CNTNAP2: variants seen among roughly 807,000 people sequenced by gnomAD.
CNTNAP2 encodes the protein contactin-associated protein-like 2.
In CNTNAP2, 98 loss-of-function variants were observed where a neutral mutation model predicts 155.2. The ratio of observed to expected loss-of-function variants is 0.63; its 90% CI spans 0.54 to 0.75. The LOEUF (loss-of-function observed/expected upper bound fraction) is 0.75, where lower values mean the gene tolerates loss of function less well. CNTNAP2 is among the 30% of genes least tolerant of loss of function. The probability of loss-of-function intolerance (pLI) is 0.00; values close to 1 mark genes in which losing one functional copy is unlikely to be tolerated. For synonymous variants in CNTNAP2, 651 were observed against 631.2 expected (o/e 1.03, Z -0.47); for missense variants, 1,727 against 1,688.1 (o/e 1.02, Z -0.40).
intron 21 of CNTNAP2, among the ~76,000 whole-genome samples, chr7:148,282,963 G>A (rs548203995): frequency 2.0e-4 from 31 of 151,962 alleles, no homozygotes; most frequent in African/African-American, 6.5e-4. Flanking sequence ...GGCTGGGCTC[G>A]GTAGCTCACA....
At chr7:146,464,247 C>T (rs1193859039) in intron 1 of CNTNAP2, among the ~76,000 whole-genome samples, 1 of 125,544 alleles carries the variant, frequency 8.0e-6, no homozygotes, top group Admixed American at 9.0e-5. Flanking sequence ...ACAAATGAAA[C>T]CGCAAAAACC....
At chr7:147,966,515 A>T (rs370729675) in intron 14 of CNTNAP2, among the ~76,000 whole-genome samples, 7 of 152,226 alleles carry the variant, frequency 4.6e-5, no homozygotes, top group East Asian at 3.9e-4. Context: ...GAAGTCATGA[A>T]TTAGGTTTCC....
chr7:147,774,859 C>G (rs1295286362), intron 13 of CNTNAP2, among the ~76,000 whole-genome samples: 2 of 152,100 alleles, frequency 1.3e-5, no homozygotes, highest in Admixed American at 1.3e-4. Context: ...ACCTAAGTCT[C>G]TTACTTAAAG....
At chr7:147,153,429 G>T (rs1192348539) in intron 8 of CNTNAP2, among the ~76,000 whole-genome samples, 1 of 152,010 alleles carries the variant, frequency 6.6e-6, no homozygotes, top group Non-Finnish European at 1.5e-5. Context: ...GGTGGAGAGG[G>T]CCCTCAACAG....
intron 1 of CNTNAP2, among the ~76,000 whole-genome samples, chr7:146,166,073 C>T (rs1194856458): frequency 6.6e-6 from 1 of 151,986 alleles, no homozygotes; most frequent in African/African-American, 2.4e-5. Flanking sequence ...ATTCCCCCAC[C>T]CCTGTTTTTT....
chr7:147,874,636 T>C (rs1365530167), intron 13 of CNTNAP2, among the ~76,000 whole-genome samples: 3 of 152,264 alleles, frequency 2.0e-5, no homozygotes, highest in East Asian at 3.8e-4. Context: ...TGATATGTCC[T>C]GGAGACATTT....
chr7:148,030,570 A>T (rs368631503), intron 15 of CNTNAP2, among the ~76,000 whole-genome samples: 1 of 152,014 alleles, frequency 6.6e-6, no homozygotes, highest in Non-Finnish European at 1.5e-5. Context: ...AGTTTTTAAA[A>T]ATATATATAT....
At chr7:147,280,295 A>C (rs1377635386) in intron 8 of CNTNAP2, among the ~76,000 whole-genome samples, 1 of 151,908 alleles carries the variant, frequency 6.6e-6, no homozygotes, top group Non-Finnish European at 1.5e-5. Flanking sequence ...CAATAACAAA[A>C]GCCCTTTTCT....
At chr7:148,081,589 T>C (rs890640485) in intron 15 of CNTNAP2, among the ~76,000 whole-genome samples, 1 of 152,104 alleles carries the variant, frequency 6.6e-6, no homozygotes, top group African/African-American at 2.4e-5. Context: ...TCTTTGCTCT[T>C]CAGCTTGCGG....
chr7:146,527,449 A>T (rs1276748257), intron 1 of CNTNAP2, among the ~76,000 whole-genome samples: 2 of 152,192 alleles, frequency 1.3e-5, no homozygotes, highest in African/African-American at 4.8e-5. Context: ...ACTATGCATG[A>T]GACAGCAAGG....
At chr7:147,238,549 GT>G (rs199552135) in intron 8 of CNTNAP2, among the ~76,000 whole-genome samples, 10 of 149,168 alleles carry the variant, frequency 6.7e-5, no homozygotes, top group East Asian at 2.0e-4. Context: ...TTTTCATTTT[GT>G]TTTTTTTTCA....
At chr7:146,764,140 C>G (rs1229142308) in intron 1 of CNTNAP2, among the ~76,000 whole-genome samples, 1 of 152,122 alleles carries the variant, frequency 6.6e-6, no homozygotes, top group African/African-American at 2.4e-5. Flanking sequence ...TTCAAATGAG[C>G]CCAGCCCTTA....
chr7:147,772,270 A>G (rs1797481654), intron 13 of CNTNAP2, among the ~76,000 whole-genome samples: 1 of 151,372 alleles, frequency 6.6e-6, no homozygotes, highest in Non-Finnish European at 1.5e-5. Flanking sequence ...CTAAAAATAC[A>G]AAAACCAGCC....
chr7:147,866,290 GT>G (rs777090259), intron 13 of CNTNAP2, among the ~76,000 whole-genome samples: 1 of 152,162 alleles, frequency 6.6e-6, no homozygotes, highest in Non-Finnish European at 1.5e-5. Flanking sequence ...CTGAGAGACT[GT>G]TGTCATTTCT....
intron 3 of CNTNAP2, among the ~76,000 whole-genome samples, chr7:147,029,283 G>A (rs1046841152): frequency 2.0e-5 from 3 of 152,060 alleles, no homozygotes; most frequent in East Asian, 1.9e-4. Flanking sequence ...TCTTGAGTGA[G>A]AAAGATTCCA....
chr7:146,721,151 C>CTATATATA (rs1165623647), intron 1 of CNTNAP2, among the ~76,000 whole-genome samples: 1 of 129,556 alleles, frequency 7.7e-6, no homozygotes, highest in East Asian at 2.3e-4. Context: ...TTTATATATT[C>CTATATATA]TATATATATA....
chr7:147,529,522 GA>G (rs1211393873), intron 11 of CNTNAP2, among the ~76,000 whole-genome samples: 1 of 152,084 alleles, frequency 6.6e-6, no homozygotes, highest in Non-Finnish European at 1.5e-5. Context: ...CCTATTTCCA[GA>G]GCAAAGTAAC....
At chr7:147,033,147 C>CATATATATATATATGTATATATATAT (rs140439948) in intron 3 of CNTNAP2, among the ~76,000 whole-genome samples, 5 of 86,978 alleles carry the variant, frequency 5.7e-5, no homozygotes, top group African/African-American at 2.4e-4. Context: ...GATATTGCTG[C>CATATATATATATATGTATATATATAT]ATATATATAT....
intron 1 of CNTNAP2, among the ~76,000 whole-genome samples, chr7:146,527,339 T>G (rs146804955): frequency 1.6e-4 from 25 of 152,288 alleles, no homozygotes; most frequent in African/African-American, 4.3e-4. Context: ...AAAACAGTGT[T>G]TTTTATTTAA....
Sources: allele counts gnomAD v4.1 joint callset (sites outside exome capture counted in the v4.1 genomes callset), GRCh38; gene constraint gnomAD v4.1.1; transcripts MANE v1.5; gene names NCBI Gene and HGNC (gene_info 2026-07-23, HGNC 2026-07-21).